The following RUFY3 variants were observed in gnomAD, a reference collection of about 807,000 sequenced individuals.
RUFY3 encodes the protein protein RUFY3.
RUFY3 carries 34 observed loss-of-function variants against 84.0 expected under a neutral mutation model. The ratio of observed to expected loss-of-function variants is 0.40; its 90% CI spans 0.31 to 0.54. The LOEUF (loss-of-function observed/expected upper bound fraction) is 0.54, where lower values mean the gene tolerates loss of function less well. RUFY3 is among the 20% of genes least tolerant of loss of function. The pLI is 0.39. For missense variants in RUFY3, 507 were observed against 736.8 expected (o/e 0.69, Z 3.61); for synonymous variants, 242 against 252.9 (o/e 0.96, Z 0.41).
chr4:70,716,660 A>G (rs1181352865), intron 1 of RUFY3, among the ~76,000 whole-genome samples: 3 of 151,752 alleles, frequency 2.0e-5, no homozygotes, highest in Admixed American at 6.6e-5. Context: ...CCTGGCCAAG[A>G]TGGTGAAACC....
intron 16 of RUFY3, 82 bp downstream of exon 16, chr4:70,803,065 A>G (rs1402668416): frequency 1.3e-5 from 13 of 1,026,384 alleles, no homozygotes; most frequent in African/African-American, 1.1e-4. Context: ...ATAAGGTAGC[A>G]TGGGCGGAAG....
intron 12 of RUFY3, 97 bp downstream of exon 12, chr4:70,789,689 T>C (rs918311258): frequency 7.0e-7 from 1 of 1,435,076 alleles, no homozygotes; most frequent in Non-Finnish European, 9.2e-7. Flanking sequence ...TACATGAAAT[T>C]CTTCCAAATT....
chr4:70,773,008 A>G (rs1338636278), intron 5 of RUFY3, among the ~76,000 whole-genome samples: 1 of 152,214 alleles, frequency 6.6e-6, no homozygotes, highest in East Asian at 1.9e-4. Context: ...TAAAATGGCA[A>G]TCTTGAAAAA....
At chr4:70,780,812 T>C (rs533129129) in intron 8 of RUFY3, among the ~76,000 whole-genome samples, 3 of 152,362 alleles carry the variant, frequency 2.0e-5, no homozygotes, top group Non-Finnish European at 4.4e-5. Flanking sequence ...CTTGTCTTCC[T>C]TAGAGTCATA....
chr4:70,764,438 T>G (rs750796302), intron 3 of RUFY3, 37 bp from the exon 4 acceptor site: 59 of 1,394,970 alleles, frequency 4.2e-5, no homozygotes, highest in Admixed American at 1.7e-4. Flanking sequence ...CTTCTGGTGC[T>G]TATGTTTTCA....
intron 15 of RUFY3, among the ~76,000 whole-genome samples, chr4:70,800,885 TAAAAA>T (rs888986570): frequency 6.7e-6 from 1 of 148,870 alleles, no homozygotes; most frequent in African/African-American, 2.5e-5. Flanking sequence ...CTGTCTCAAA[TAAAAA>T]AAAAAGTTCA....
In RUFY3 at chr4:70,806,750, A is replaced by G; in HGVS notation, c.*91A>G. On this transcript the variant is annotated 3_prime_UTR_variant, in exon 18 of 18. Coordinates refer to ENST00000381006, the MANE Select transcript of RUFY3 (RefSeq NM_001037442.4). Reference sequence around the variant, plus strand: ...CAGGATCTCATAGAGCCCAGTTCTTAGAGTCAACTAAAGAGTTGATAGGAA... The same window carrying G: ...CAGGATCTCATAGAGCCCAGTTCTTGGAGTCAACTAAAGAGTTGATAGGAA... The G allele has an allele frequency of 6.8e-7, 1 of 1,464,148 alleles. No individual in the cohort carries two copies. The highest frequency in any genetic ancestry group is 2.3e-5 in the East Asian group (1 of 43,788). The allele number at this position is 1,464,148 out of a possible 1,614,324, so 90.7% of individuals were successfully genotyped here. A position where few individuals can be genotyped will look rare whatever the true frequency, so the allele number is the denominator to read the frequency against.
upstream of RUFY3, among the ~76,000 whole-genome samples, chr4:70,719,717 T>A (rs1311110000): frequency 6.6e-6 from 1 of 152,196 alleles, no homozygotes; most frequent in Admixed American, 6.5e-5. Flanking sequence ...ATATATAATA[T>A]GGGAATATTT....
chr4:70,722,156 C>T lies in RUFY3; in HGVS notation c.-418C>T. On this transcript the variant is annotated 5_prime_UTR_variant, in exon 1 of 18. Coordinates refer to ENST00000381006, the MANE Select transcript of RUFY3 (RefSeq NM_001037442.4). ...TTTTCTTTTATATTTTTTTTCTGCA[C>T]AAAGGAGGAGGATTTTTCACTTACT... 3.3e-6 allele frequency: 4 copies of T among 1,230,006 alleles called. No individual in the cohort carries two copies. Among genetic ancestry groups the T allele is most frequent in the Non-Finnish European group, 4.1e-6 (4 of 987,370 alleles). 76.2% of individuals were successfully genotyped at this position (1,230,006 alleles called of 1,614,324 possible). A position where few individuals can be genotyped will look rare whatever the true frequency, so the allele number is the denominator to read the frequency against.
chr4:70,792,099 C>T (rs1029579620), intron 12 of RUFY3: 1 of 985,602 alleles, frequency 1.0e-6, no homozygotes, highest in Non-Finnish European at 1.2e-6. Flanking sequence ...TCAGAGAGAA[C>T]AATTCTAATA....
chr4:70,805,125 T>C (rs976996595), intron 17 of RUFY3, among the ~76,000 whole-genome samples: 11 of 152,326 alleles, frequency 7.2e-5, no homozygotes, highest in African/African-American at 2.6e-4. Flanking sequence ...ACGTTGAACA[T>C]CTAATGCTAA....
rs140840320 is a variant in RUFY3, at chr4:70,797,695, A to G, written c.1558-2446A>G. Among the ~76,000 whole-genome samples the G allele has an allele frequency of 2.2e-3, 332 of 151,780 alleles. 15 individuals carry two copies. The East Asian group carries it at 0.052, about 24-fold the overall frequency. On this transcript the variant is annotated intron_variant, in intron 14 of 17. Transcript: ENST00000381006. ...CTGTCTCTACTAAAAATACAAAAAT[A>G]AGCCGGGCATGGTGGTAGTCTCCTA... is the stretch of plus-strand genomic sequence containing the variant.
intron 8 of RUFY3, among the ~76,000 whole-genome samples, chr4:70,779,908 C>T (rs973365016): frequency 6.6e-6 from 1 of 152,260 alleles, no homozygotes; most frequent in African/African-American, 2.4e-5. Context: ...GATGCCCTTA[C>T]ACCCCATGGG....
chr4:70,781,860 A>G (rs73824894), intron 8 of RUFY3, among the ~76,000 whole-genome samples: 10,401 of 152,288 alleles, frequency 0.068, 557 homozygotes, highest in East Asian at 0.2. Flanking sequence ...TCGGCCTCAT[A>G]CAGGCACCTT....
At chr4:70,742,863 T>G (rs1458904651) in intron 1 of RUFY3, among the ~76,000 whole-genome samples, 2 of 152,176 alleles carry the variant, frequency 1.3e-5, no homozygotes, top group African/African-American at 4.8e-5. Flanking sequence ...AAATCCTGAG[T>G]GTCATCTCTT....
chr4:70,774,381 G>A (rs1727476295), intron 6 of RUFY3, among the ~76,000 whole-genome samples: 1 of 151,096 alleles, frequency 6.6e-6, no homozygotes, highest in Admixed American at 6.6e-5. Flanking sequence ...GGCCGAGGCA[G>A]GCAGATGACC....
intron 1 of RUFY3, among the ~76,000 whole-genome samples, chr4:70,749,800 C>T (rs1722839747): frequency 6.6e-6 from 1 of 151,682 alleles, no homozygotes. Flanking sequence ...CAGGTTTGCA[C>T]CACCACACCC....
intron 1 of RUFY3, among the ~76,000 whole-genome samples, chr4:70,757,268 T>C (rs1724186741): frequency 6.7e-6 from 1 of 149,148 alleles, no homozygotes; most frequent in African/African-American, 2.5e-5. Context: ...TAGAGCAAGA[T>C]CCTGCCTCAA....
At chr4:70,745,655 G>T (rs1252768725) in intron 1 of RUFY3, among the ~76,000 whole-genome samples, 1 of 152,140 alleles carries the variant, frequency 6.6e-6, no homozygotes, top group Non-Finnish European at 1.5e-5. Context: ...ATTGCATACT[G>T]GTTCCTTGGC....
Sources: allele counts gnomAD v4.1 joint callset (sites outside exome capture counted in the v4.1 genomes callset), GRCh38; gene constraint gnomAD v4.1.1; transcripts MANE v1.5; gene names NCBI Gene and HGNC (gene_info 2026-07-23, HGNC 2026-07-21).